ABR: variants seen among roughly 807,000 people sequenced by gnomAD.
ABR encodes the protein ABR activator of RhoGEF and GTPase, also known as active breakpoint cluster region-related protein.
A neutral mutation model predicts 107.2 loss-of-function variants in ABR; 35 were observed. The observed-to-expected ratio is 0.33, with a 90% CI of 0.25 to 0.43. ABR has a LOEUF of 0.43. Ranked by LOEUF, ABR falls within the 20% of genes least tolerant of loss-of-function variation. The probability of loss-of-function intolerance (pLI) is 1.00; values close to 1 mark genes in which losing one functional copy is unlikely to be tolerated. For missense variants in ABR, 815 were observed against 1,115.2 expected, an observed-to-expected ratio of 0.73 and a Z score of 3.83; for synonymous variants, 498 against 462.0, an observed-to-expected ratio of 1.08 and a Z score of -1.00.
intron 16 of ABR, chr17:1,031,532 CAGCCCCCCGAG>C: frequency 9.6e-6 from 3 of 311,820 alleles, no homozygotes; most frequent in African/African-American, 6.3e-5. Context: ...GCAGCCCCCG[CAGCCCCCCGAG>C]CCCCGCAGCG....
chr17:1,109,722 G>A (rs1597846657), intron 2 of ABR, among the ~76,000 whole-genome samples: 1 of 151,914 alleles, frequency 6.6e-6, no homozygotes, highest in African/African-American at 2.4e-5. Flanking sequence ...GCCGCGTCCC[G>A]CCGCCGCTGG....
At chr17:1,100,092 C>T (rs2037761879) in intron 3 of ABR, among the ~76,000 whole-genome samples, 1 of 148,028 alleles carries the variant, frequency 6.8e-6, no homozygotes, top group African/African-American at 2.5e-5. Flanking sequence ...CACCACTGCA[C>T]TCCAGCCTGG....
At chr17:1,073,932 T>C (rs1033232657) in intron 6 of ABR, among the ~76,000 whole-genome samples, 6 of 151,530 alleles carry the variant, frequency 4.0e-5, no homozygotes, top group Non-Finnish European at 5.9e-5. Flanking sequence ...CAGACATGGC[T>C]TCATCGAGAG....
chr17:1,031,894 CCGTCCGCGTCCCT>C, intron 16 of ABR: 2 of 1,139,662 alleles, frequency 1.8e-6, no homozygotes, highest in Non-Finnish European at 2.2e-6. Context: ...CTCCCTCCCT[CCGTCCGCGTCCCT>C]CCTCCCTCCT....
intron 1 of ABR, among the ~76,000 whole-genome samples, chr17:1,194,170 T>G (rs1002390872): frequency 6.6e-6 from 1 of 151,040 alleles, no homozygotes; most frequent in Non-Finnish European, 1.5e-5. Context: ...GTTTCCTTTG[T>G]TTTTTTTTAT....
Position 1,229,268 on chromosome 17 carries a change from G to C in ABR, c.363C>G (p.Ala121=), listed in dbSNP as rs893575747. 5.3e-5 allele frequency among the ~76,000 whole-genome samples: 8 copies of C among 151,682 alleles called. No homozygotes were observed. In the East Asian group the frequency reaches 9.8e-4, roughly 19 times the overall value. ...GGGGCTGCAGGAGCTGCCGGTGGACGGCGTCGGCCCAGCTCCTTCCCCCGC... is the reference window on the plus strand; with the variant it reads ...GGGGCTGCAGGAGCTGCCGGTGGACCGCGTCGGCCCAGCTCCTTCCCCCGC... Residue 121 remains alanine (A), a synonymous_variant, in exon 1 of 23, where the codon GCC becomes GCG. Coordinates refer to the ABR transcript ENST00000574139.
rs953528636 is a variant in ABR at position 1,072,859 on chromosome 17, T to C, written c.754-105A>G. On this transcript the variant is annotated intron_variant, in intron 7 of 22. Transcript: ENST00000302538. The stretch of plus-strand genomic sequence containing the variant: ...TCCAAAGGGTGGGCACTCAGGGACC[T>C]GCCTAATTCCCGCAAAATCTGAACT... The C allele has an allele frequency of 5.0e-6, 7 of 1,409,796 alleles. No homozygotes were observed. The African/African-American group carries it at 1.0e-4, about 21-fold the overall frequency. The allele number at this position is 1,409,796 out of a possible 1,614,324, so 87.3% of individuals were successfully genotyped here.
At chr17:1,083,719 C>T in intron 4 of ABR, 92 bp from the exon 5 acceptor site, 3 of 1,058,264 alleles carry the variant, frequency 2.8e-6, no homozygotes, top group Non-Finnish European at 4.4e-6. Context: ...ACCGGGAGCT[C>T]CCCTGCACTG....
At chr17:1,144,987 C>T (rs1299160896) in intron 1 of ABR, among the ~76,000 whole-genome samples, 2 of 151,840 alleles carry the variant, frequency 1.3e-5, no homozygotes, top group Non-Finnish European at 2.9e-5. Flanking sequence ...CACGGCACTC[C>T]AGCCTGGGTG....
Position 1,078,918 on chromosome 17 carries a change from C to T in ABR, c.700+412G>A. On this transcript the variant is annotated intron_variant, in intron 6 of 22. Coordinates refer to ENST00000302538, the MANE Select transcript of ABR (RefSeq NM_021962.5). The surrounding 1 kb of genome is among the most constrained non-coding windows in gnomAD (Gnocchi z 7.5). ...CCATCGCTCCAGGCTCCCCGGCGCC[C>T]ACCAGCAGCCCGGCCACTCAGCCAC... 1 of 1,532,414 alleles carries T rather than the reference C, an allele frequency of 6.5e-7. No homozygotes were observed. The allele number at this position is 1,532,414 out of a possible 1,614,324, so 94.9% of individuals were successfully genotyped here.
At chr17:1,159,642 T>G (rs1163739538) in intron 1 of ABR, among the ~76,000 whole-genome samples, 1 of 112,114 alleles carries the variant, frequency 8.9e-6, no homozygotes, top group Non-Finnish European at 1.9e-5. Flanking sequence ...AAGGGAAGTA[T>G]GCGGTACTCA....
chr17:1,075,472 G>A (rs1417763323), intron 6 of ABR, among the ~76,000 whole-genome samples: 1 of 152,268 alleles, frequency 6.6e-6, no homozygotes, highest in East Asian at 1.9e-4. Flanking sequence ...AGACACTTCA[G>A]GGAGCAATCT....
intron 2 of ABR, among the ~76,000 whole-genome samples, chr17:1,105,979 C>T (rs1275367072): frequency 2.6e-5 from 4 of 152,164 alleles, no homozygotes; most frequent in Admixed American, 6.5e-5. Context: ...ACAACGCCCC[C>T]GTCACAACCC....
chr17:1,149,197 G>T, intron 1 of ABR, among the ~76,000 whole-genome samples: 1 of 151,744 alleles, frequency 6.6e-6, no homozygotes, highest in East Asian at 1.9e-4. Context: ...GCTACCTAGC[G>T]CCCGGCCTAT....
intron 1 of ABR, among the ~76,000 whole-genome samples, chr17:1,224,069 G>C (rs576849343): frequency 3.9e-5 from 6 of 152,120 alleles, no homozygotes; most frequent in Non-Finnish European, 2.9e-5. Flanking sequence ...GGTTAGCGAC[G>C]TTTATTATTC....
intron 16 of ABR, among the ~76,000 whole-genome samples, chr17:1,028,450 T>C (rs1292848542): frequency 1.3e-5 from 2 of 152,150 alleles, no homozygotes; most frequent in Non-Finnish European, 2.9e-5. Flanking sequence ...GCCAGGCTGG[T>C]CTTGGACTCC....
intron 2 of ABR, among the ~76,000 whole-genome samples, chr17:1,119,539 G>C (rs1292349418): frequency 3.1e-5 from 2 of 63,618 alleles, no homozygotes; most frequent in Non-Finnish European, 7.1e-5. Flanking sequence ...GTTATTGCCT[G>C]AGCCTTCCTT....
intron 3 of ABR, among the ~76,000 whole-genome samples, chr17:1,097,671 A>T (rs927940837): frequency 5.3e-5 from 8 of 151,630 alleles, no homozygotes; most frequent in African/African-American, 1.9e-4. Flanking sequence ...TACTATTTGT[A>T]TACCCAGTTT....
At position 1,050,187 on chromosome 17, in the gene ABR, G is replaced by A. The variant is rs1441338824; in HGVS notation, c.1660-6C>T. On this transcript the variant is annotated splice_polypyrimidine_tract_variant and splice_region_variant and intron_variant, in intron 15 of 22. Transcript: ENST00000302538. The surrounding 1 kb of genome is among the most constrained non-coding windows in gnomAD (Gnocchi z 4.6). ...TCCAGCTCGATCTCAAACTCCTGGG[G>A]AAAGATGGGACAAAGGGCCCTGAAC... The A allele has an allele frequency of 1.2e-6, 2 of 1,610,786 alleles. No homozygotes were observed. The highest frequency in any genetic ancestry group is 1.7e-6 in the Non-Finnish European group (2 of 1,179,134).
Sources: gnomAD v4.1 joint callset for allele counts (sites outside exome capture counted in the v4.1 genomes callset) on GRCh38, gnomAD v4.1.1 for gene constraint, Gnocchi (gnomAD v3.1) non-coding constraint, MANE v1.5 for transcripts, NCBI Gene and HGNC (gene_info 2026-07-23, HGNC 2026-07-21) for gene names.